NINL: variants seen among roughly 807,000 people sequenced by gnomAD.
The protein encoded by NINL is ninein-like protein.
A neutral mutation model predicts 160.3 loss-of-function variants in NINL; 153 were observed. That is an observed-to-expected ratio of 0.95 (90% confidence interval 0.84 to 1.09). NINL has a LOEUF of 1.09. NINL is among the 50% of genes least tolerant of loss of function. The pLI, the probability that NINL is intolerant of heterozygous loss-of-function variation, is 0.00. For synonymous variants in NINL, 800 were observed against 734.8 expected (o/e 1.09, Z -1.43); for missense variants, 1,829 against 1,764.0 (o/e 1.04, Z -0.66).
At chr20:25,531,338 T>TCATACA (rs1169244850) in intron 1 of NINL, among the ~76,000 whole-genome samples, 2 of 152,164 alleles carry the variant, frequency 1.3e-5, no homozygotes, top group African/African-American at 4.8e-5. Context: ...CACAGGGTCC[T>TCATACA]GAGGCGACAT....
At chr20:25,575,000 G>A (rs546620767) in intron 1 of NINL, among the ~76,000 whole-genome samples, 57 of 151,754 alleles carry the variant, frequency 3.8e-4, no homozygotes, top group Admixed American at 3.9e-4. Flanking sequence ...GTACCCCCAA[G>A]TCAAAAATAC....
At chr20:25,566,038 C>T in intron 1 of NINL, among the ~76,000 whole-genome samples, 1 of 152,206 alleles carries the variant, frequency 6.6e-6, no homozygotes. Flanking sequence ...CATCCTAGGA[C>T]CTCCAGTTGG....
intron 4 of NINL, 79 bp downstream of exon 4, chr20:25,512,755 G>A (rs2064094635): frequency 3.4e-6 from 5 of 1,488,642 alleles, no homozygotes; most frequent in Middle Eastern, 2.4e-4. Context: ...TTGTGATTAT[G>A]TGCTACAAAA....
intron 7 of NINL, among the ~76,000 whole-genome samples, chr20:25,501,687 G>A (rs544972092): frequency 1.3e-5 from 2 of 152,246 alleles, no homozygotes; most frequent in Admixed American, 6.5e-5. Context: ...CTTCTTTGTC[G>A]TTCTCACTGA....
intron 1 of NINL, among the ~76,000 whole-genome samples, chr20:25,549,584 G>C (rs909551095): frequency 1.3e-5 from 2 of 152,218 alleles, no homozygotes; most frequent in African/African-American, 4.8e-5. Flanking sequence ...CTAGGAAAAA[G>C]GCAATGTGAG....
At chr20:25,489,721 G>A (rs939709760) in intron 12 of NINL, among the ~76,000 whole-genome samples, 154 bp downstream of exon 12, 2 of 152,246 alleles carry the variant, frequency 1.3e-5, no homozygotes, top group Admixed American at 6.5e-5. Flanking sequence ...AGGAAGCAGA[G>A]GGAAGGCCTC....
chr20:25,498,449 C>T, intron 8 of NINL, 103 bp from the exon 9 acceptor site: 1 of 1,459,826 alleles, frequency 6.9e-7, no homozygotes, highest in Middle Eastern at 2.4e-4. Flanking sequence ...GCATGGCTGT[C>T]CCAGGCAGCA....
chr20:25,476,402 C>T lies in NINL; in HGVS notation c.2889G>A (p.Arg963=), dbSNP rs200553674. 38 of 1,581,260 alleles carry T rather than the reference C, an allele frequency of 2.4e-5. No homozygotes were observed. In the East Asian group the frequency reaches 9.2e-4, roughly 38 times the overall value. The part of the protein sequence containing the change: ...TQPRMWEPPL[R]PAASCRGQAE... ...CCTGTCCCCTGCACGAAGCGGCCGGCCTCAGGGGTGGCTCCCACATCCGTG... is the reference window on the plus strand; with the variant it reads ...CCTGTCCCCTGCACGAAGCGGCCGGTCTCAGGGGTGGCTCCCACATCCGTG... Residue 963 remains arginine (R), a synonymous_variant, in exon 17 of 24, where the codon AGG becomes AGA. Coordinates refer to ENST00000278886, the MANE Select transcript of NINL (RefSeq NM_025176.6).
intron 14 of NINL, among the ~76,000 whole-genome samples, chr20:25,481,656 T>G (rs1378789530): frequency 1.3e-5 from 2 of 152,184 alleles, no homozygotes; most frequent in South Asian, 2.1e-4. Context: ...TCTCCGGGAT[T>G]TAGCTCTTCT....
intron 8 of NINL, among the ~76,000 whole-genome samples, chr20:25,499,562 G>A (rs1378676744): frequency 6.6e-6 from 1 of 152,060 alleles, no homozygotes; most frequent in Non-Finnish European, 1.5e-5. Context: ...CTTCCTGCAA[G>A]CGATTTTTGG....
rs748603853 is a variant in NINL at position 25,510,751 on chromosome 20, A to C, written c.451-11T>G. ...ATCTGACTTGGGACTCTGTAGAAAG[A>C]TGCAGAGAGAAGGCTGTGAGTTCCA... On this transcript the variant is annotated splice_polypyrimidine_tract_variant and intron_variant, in intron 4 of 23. Transcript: ENST00000278886. The C allele has an allele frequency of 6.2e-7, 1 of 1,608,858 alleles. No homozygotes were observed. The highest frequency in any genetic ancestry group is 1.3e-5 in the African/African-American group (1 of 74,788).
In NINL at chr20:25,458,468, A is replaced by G. The variant is rs778476936; in HGVS notation, c.3758T>C (p.Leu1253Pro). The G allele has an allele frequency of 1.0e-5, 16 of 1,603,986 alleles. No individual in the cohort carries two copies. The highest frequency in any genetic ancestry group is 4.5e-5 in the East Asian group (2 of 44,882). ...AQAQHLQEVR[L>P]VPQDRVAELH... ...CTCGGCCACACGGTCCTGGGGCACC[A>G]GCCGGACCTCCTGCAAGTGCTGGGC... is the stretch of plus-strand genomic sequence containing the variant. Residue 1253 changes from leucine (L) to proline (P), a missense_variant, in exon 22 of 24, where the codon CTG becomes CCG. Transcript: ENST00000278886.
chr20:25,468,304 G>A (rs533839410), intron 18 of NINL, among the ~76,000 whole-genome samples: 1 of 146,718 alleles, frequency 6.8e-6, no homozygotes, highest in East Asian at 2.0e-4. Flanking sequence ...GACTCTCACT[G>A]ATGGGTGGCC....
chr20:25,490,070 AT>A, intron 11 of NINL, 85 bp from the exon 12 acceptor site: 4 of 1,221,962 alleles, frequency 3.3e-6, no homozygotes. Context: ...CTTGCTTCTC[AT>A]AGGACTGGGC....
Position 25,503,975 on chromosome 20 carries a change from T to A in NINL, c.838A>T (p.Ser280Cys), listed in dbSNP as rs200245695. Residue 280 changes from serine to cysteine, a missense_variant, in exon 7 of 24, where the codon AGC (serine) becomes TGC (cysteine). Ser to Cys is a moderately radical substitution (Grantham distance 112). Transcript: ENST00000278886. Reference protein sequence around the residue: ...LLESSTRVKPSKAWSHYQVPE... With the variant: ...LLESSTRVKPCKAWSHYQVPE... Reference sequence around the variant, plus strand: ...ACCTGGTAATGAGACCAAGCCTTGCTCGGTTTAACCCGAGTGGAAGACTCT... The same window carrying A: ...ACCTGGTAATGAGACCAAGCCTTGCACGGTTTAACCCGAGTGGAAGACTCT... 5.6e-6 allele frequency: 9 copies of A among 1,614,158 alleles called. No individual in the cohort carries two copies. The highest frequency in any genetic ancestry group is 7.6e-6 in the Non-Finnish European group (9 of 1,180,024).
intron 10 of NINL, 41 bp downstream of exon 10, chr20:25,496,622 G>C: frequency 1.2e-6 from 2 of 1,608,250 alleles, no homozygotes; most frequent in Admixed American, 1.7e-5. Flanking sequence ...AGGGGCTGGG[G>C]AGGCCCAGGT....
intron 21 of NINL, among the ~76,000 whole-genome samples, chr20:25,460,193 G>A (rs528091725): frequency 1.3e-5 from 2 of 152,254 alleles, no homozygotes; most frequent in Non-Finnish European, 2.9e-5. Flanking sequence ...ACATGGAAAC[G>A]GCAACCACAT....
At chr20:25,546,575 G>C (rs897057535) in intron 1 of NINL, among the ~76,000 whole-genome samples, 2 of 151,924 alleles carry the variant, frequency 1.3e-5, no homozygotes, top group Non-Finnish European at 2.9e-5. Flanking sequence ...CAAACAAGAA[G>C]GTAATTTTAA....
intron 1 of NINL, among the ~76,000 whole-genome samples, chr20:25,578,490 T>G (rs1346528114): frequency 1.3e-5 from 2 of 152,042 alleles, no homozygotes; most frequent in African/African-American, 4.8e-5. Context: ...TTAATACTCT[T>G]GCTTAAAAAT....
Sources: allele counts gnomAD v4.1 joint callset (sites outside exome capture counted in the v4.1 genomes callset), GRCh38; gene constraint gnomAD v4.1.1; transcripts MANE v1.5; gene names NCBI Gene and HGNC (gene_info 2026-07-23, HGNC 2026-07-21).